Variants in CABYR observed in about 807,000 individuals in gnomAD.
CABYR encodes the protein calcium-binding tyrosine phosphorylation-regulated protein.
A neutral mutation model predicts 36.1 loss-of-function variants in CABYR; 31 were observed. That is an observed-to-expected ratio of 0.86 (90% CI 0.64 to 1.16). The LOEUF is 1.16. CABYR is among the 50% of genes most tolerant of loss of function. The pLI is 0.00. For synonymous variants in CABYR, 146 were observed against 160.7 expected (o/e 0.91, Z 0.69); for missense variants, 429 against 455.8 (o/e 0.94, Z 0.53).
intron 1 of CABYR, among the ~76,000 whole-genome samples, chr18:24,141,607 A>G (rs1335537441): frequency 6.6e-6 from 1 of 152,178 alleles, no homozygotes; most frequent in East Asian, 1.9e-4. Context: ...TATGGCATGC[A>G]TTGGAGTGCT....
At chr18:24,159,147 G>T (rs2085878371) in intron 4 of CABYR, among the ~76,000 whole-genome samples, 1 of 152,212 alleles carries the variant, frequency 6.6e-6, no homozygotes, top group Non-Finnish European at 1.5e-5. Context: ...TAAAGGTTGT[G>T]TTGACCAGTT....
intron 2 of CABYR, 31 bp from the exon 3 acceptor site, chr18:24,143,329 T>C (rs2085375303): frequency 1.3e-6 from 2 of 1,593,492 alleles, no homozygotes; most frequent in Non-Finnish European, 1.7e-6. Context: ...TTCATGTATC[T>C]GTATTTGATT....
In CABYR at chr18:24,145,873, C is replaced by G. The variant is rs566378141; in HGVS notation, c.199+2460C>G. Among the ~76,000 whole-genome samples, 3 of 152,308 alleles carry G rather than the reference C, an allele frequency of 2.0e-5. No individual in the cohort carries two copies. The East Asian group carries it at 5.8e-4, about 29-fold the overall frequency. On this transcript the variant is annotated intron_variant, in intron 3 of 5. Transcript: ENST00000399496. ...ACACTAGGAAGAAAGGTCATACACT[C>G]TGAATGTGCTAGGAGTAAGAACAAA...
In CABYR at chr18:24,159,896, T is replaced by A; in HGVS notation, c.966T>A (p.Asp322Glu). ...PQNANPPSGQ[D>E]VPRPKSPVFL... ...ATGCTAATCCTCCAAGTGGACAAGA[T>A]GTCCCCAGGCCAAAAAGCCCTGTTT... Residue 322 changes from aspartate to glutamate, a missense_variant, in exon 5 of 6, where the codon GAT becomes GAA. Asp to Glu is a conservative substitution (Grantham distance 45). Coordinates refer to ENST00000399496, the MANE Select transcript of CABYR (RefSeq NM_153769.3). 1 of 1,614,176 alleles carries A rather than the reference T, an allele frequency of 6.2e-7. No individual in the cohort carries two copies. Among genetic ancestry groups the A allele is most frequent in the Non-Finnish European group, 8.5e-7 (1 of 1,180,042 alleles).
chr18:24,160,278 A>AT, intron 5 of CABYR: 1 of 539,674 alleles, frequency 1.9e-6, no homozygotes, highest in South Asian at 2.6e-5. Flanking sequence ...ACAATGACTC[A>AT]TGCCAAGGAT....
intron 3 of CABYR, 96 bp from the exon 4 acceptor site, chr18:24,155,605 A>T: frequency 2.2e-6 from 2 of 905,076 alleles, no homozygotes; most frequent in African/African-American, 1.7e-5. Flanking sequence ...TACAGGCATG[A>T]GCCACTACAT....
intron 3 of CABYR, among the ~76,000 whole-genome samples, chr18:24,146,219 G>T (rs1384630148): frequency 6.6e-6 from 1 of 152,158 alleles, no homozygotes; most frequent in African/African-American, 2.4e-5. Flanking sequence ...ATGAAAAGAT[G>T]CAGAACTTCA....
At chr18:24,156,396 G>A (rs755150347) in intron 4 of CABYR, 5 of 1,614,128 alleles carry the variant, frequency 3.1e-6, no homozygotes, top group East Asian at 2.2e-5. Context: ...TGTCTATAAC[G>A]ATGTGCCTGT....
rs1163426470 is a variant in CABYR at position 24,159,528 on chromosome 18, TA to T, written c.599del (p.Tyr200PhefsTer3). On this transcript the variant is annotated frameshift_variant, in exon 5 of 6. Coordinates refer to ENST00000399496, the MANE Select transcript of CABYR (RefSeq NM_153769.3). LOFTEE classifies it high-confidence loss of function. ...PPPCSNMWTL[Y>X]CLTDKNQQGH... Reference sequence around the variant, plus strand: ...ACCATGTTCTAACATGTGGACCCTTTATTGTCTAACTGATAAGAATCAACAA... The same window carrying T: ...ACCATGTTCTAACATGTGGACCCTTTTTGTCTAACTGATAAGAATCAACAA... 2 of 1,613,970 alleles carry T rather than the reference TA, an allele frequency of 1.2e-6. No homozygotes were observed. The highest frequency in any genetic ancestry group is 1.7e-6 in the Non-Finnish European group (2 of 1,180,024).
intron 3 of CABYR, among the ~76,000 whole-genome samples, chr18:24,151,535 TA>T (rs1238638694): frequency 6.6e-6 from 1 of 152,190 alleles, no homozygotes; most frequent in East Asian, 1.9e-4. Context: ...CTTAAAACAT[TA>T]GAGAAAAGCT....
chr18:24,141,119 T>A (rs569502710), intron 1 of CABYR, among the ~76,000 whole-genome samples: 78 of 152,336 alleles, frequency 5.1e-4, no homozygotes, highest in Middle Eastern at 3.4e-3. Context: ...GTAAATCTGT[T>A]GAATGATATC....
chr18:24,143,353 C>A lies in CABYR; in HGVS notation c.146-7C>A. 6.3e-7 allele frequency: 1 copy of A among 1,591,118 alleles called. No individual in the cohort carries two copies. The highest frequency in any genetic ancestry group is 8.6e-7 in the Non-Finnish European group (1 of 1,164,792). On this transcript the variant is annotated splice_polypyrimidine_tract_variant and splice_region_variant and intron_variant, in intron 2 of 5. Coordinates refer to ENST00000399496, the MANE Select transcript of CABYR (RefSeq NM_153769.3). Reference sequence around the variant, plus strand: ...CTGTATTTGATTTCCTGTATTGATTCCTTCAGGGAATACTACTATGGATAT... The same window carrying A: ...CTGTATTTGATTTCCTGTATTGATTACTTCAGGGAATACTACTATGGATAT...
chr18:24,160,027 T>C lies in CABYR; in HGVS notation c.1097T>C (p.Val366Ala). 1 of 1,614,042 alleles carries C rather than the reference T, an allele frequency of 6.2e-7. No individual in the cohort carries two copies. The highest frequency in any genetic ancestry group is 8.5e-7 in the Non-Finnish European group (1 of 1,179,984). Residue 366 changes from valine (V) to alanine (A), a missense_variant, in exon 5 of 6, where the codon GTG becomes GCG. Val to Ala is a moderately conservative substitution (Grantham distance 64). Transcript: ENST00000399496. ...GSYGIAGEVTVTTAHKRRKAE... is the reference protein window; with the variant it reads ...GSYGIAGEVTATTAHKRRKAE... ...TACGGTATTGCTGGGGAGGTAACCGTGACTACTGCTCACAAACGTCGCAAA... is the reference window on the plus strand; with the variant it reads ...TACGGTATTGCTGGGGAGGTAACCGCGACTACTGCTCACAAACGTCGCAAA...
rs756608258 is a variant in CABYR, at chr18:24,156,985, G to A, written c.541+943G>A. ...GAAGGGGAATCAACAGCTGAATAAG[G>A]TTTGATGAAGCCAGGTAAGAAAATC... On this transcript the variant is annotated intron_variant, in intron 4 of 5. Coordinates refer to ENST00000399496, the MANE Select transcript of CABYR (RefSeq NM_153769.3). 5.6e-6 allele frequency: 9 copies of A among 1,600,244 alleles called. No homozygotes were observed. The South Asian group carries it at 7.7e-5, about 14-fold the overall frequency.
Position 24,159,593 on chromosome 18 carries a change from C to T in CABYR, c.663C>T (p.Pro221=). ...PSPPPAPGPF[P]QATLYLPNPK... is the part of the protein sequence containing the mutation. ...CGCCACCTGCACCTGGGCCTTTTCC[C>T]CAAGCAACCCTCTATTTACCTAATC... The change falls in exon 5 of 6, where the codon CCC becomes CCT. Residue 221 remains proline (P), a synonymous_variant. Transcript: ENST00000399496. 6.2e-7 allele frequency: 1 copy of T among 1,613,986 alleles called. No individual in the cohort carries two copies. The highest frequency in any genetic ancestry group is 8.5e-7 in the Non-Finnish European group (1 of 1,180,008).
chr18:24,159,411 C>T (rs1399437528), intron 4 of CABYR, 61 bp from the exon 5 acceptor site: 1 of 1,109,184 alleles, frequency 9.0e-7, no homozygotes, highest in Middle Eastern at 2.7e-4. Context: ...AAAGACATTA[C>T]TATGCATAGT....
intron 3 of CABYR, among the ~76,000 whole-genome samples, chr18:24,144,086 T>TG (rs2085398154): frequency 6.6e-6 from 1 of 152,008 alleles, no homozygotes; most frequent in East Asian, 1.9e-4. Flanking sequence ...TTAGTAGAGA[T>TG]GGGGTTTTGC....
chr18:24,154,294 G>A (rs2085715792), intron 3 of CABYR, among the ~76,000 whole-genome samples: 1 of 152,060 alleles, frequency 6.6e-6, no homozygotes, highest in South Asian at 2.1e-4. Flanking sequence ...ATTCTTACAT[G>A]TAGTATGTAG....
rs2085994232 is a variant in CABYR at position 24,161,598 on chromosome 18, A to G, written c.*82A>G. ...ATGTATCAATAAACTTCATGCAAGCATACAATTTTGTATTGCTTTTTTTTG... is the reference window on the plus strand; with the variant it reads ...ATGTATCAATAAACTTCATGCAAGCGTACAATTTTGTATTGCTTTTTTTTG... On this transcript the variant is annotated 3_prime_UTR_variant, in exon 6 of 6. Transcript: ENST00000399496. 2.6e-6 allele frequency: 2 copies of G among 766,914 alleles called. No homozygotes were observed. The highest frequency in any genetic ancestry group is 2.4e-5 in the East Asian group (1 of 41,092). 47.5% of individuals were successfully genotyped at this position (766,914 alleles called of 1,614,324 possible).
Sources: gnomAD v4.1 joint callset for allele counts (sites outside exome capture counted in the v4.1 genomes callset) on GRCh38, gnomAD v4.1.1 for gene constraint, MANE v1.5 for transcripts, NCBI Gene and HGNC (gene_info 2026-07-23, HGNC 2026-07-21) for gene names.